The following LMO7 variants were observed in gnomAD, a reference collection of about 807,000 sequenced individuals.
LMO7 encodes LIM domain 7, also known as LIM domain only protein 7.
Under a neutral mutation model 206.5 loss-of-function variants are expected in LMO7, and 120 were observed. The ratio of observed to expected loss-of-function variants is 0.58; its 90% confidence interval spans 0.50 to 0.68. LMO7 has a LOEUF of 0.68. Among genes scored for constraint, LMO7 ranks in the 30% least tolerant of loss-of-function variants. The probability of loss-of-function intolerance (pLI) is 0.00; values close to 1 mark genes in which losing one functional copy is unlikely to be tolerated. For synonymous variants in LMO7, 706 were observed against 681.5 expected, an observed-to-expected ratio of 1.04 and a Z score of -0.56; for missense variants, 1,959 against 1,957.9, an observed-to-expected ratio of 1.00 and a Z score of -0.01.
intron 1 of LMO7, among the ~76,000 whole-genome samples, chr13:75,638,624 A>G (rs1175390082): frequency 6.6e-6 from 1 of 152,170 alleles, no homozygotes; most frequent in East Asian, 1.9e-4. Context: ...CATTGTGTAT[A>G]TATGAGTAAT....
At chr13:75,770,875 G>A (rs2049553039) in intron 4 of LMO7, among the ~76,000 whole-genome samples, 2 of 152,088 alleles carry the variant, frequency 1.3e-5, no homozygotes, top group Admixed American at 1.3e-4. Context: ...TGCTTAGTTA[G>A]ATGACCTTGG....
intron 6 of LMO7, among the ~76,000 whole-genome samples, chr13:75,799,058 A>G (rs961814789): frequency 1.4e-4 from 21 of 152,318 alleles, no homozygotes; most frequent in African/African-American, 4.8e-4. Context: ...TGGAAGTAGC[A>G]GGATGTAAGG....
At chr13:75,699,413 T>TG (rs1246337047) in intron 1 of LMO7, among the ~76,000 whole-genome samples, 9 of 149,752 alleles carry the variant, frequency 6.0e-5, no homozygotes, top group African/African-American at 7.6e-5. Flanking sequence ...GATTTTTTTT[T>TG]TTTTTTTTTA....
intron 28 of LMO7, chr13:75,855,052 A>G: frequency 6.1e-6 from 3 of 491,576 alleles, no homozygotes; most frequent in Non-Finnish European, 1.1e-5. Context: ...ATAGGTGTCA[A>G]GGGTCTCAGA....
chr13:75,680,490 T>C (rs2040386185), intron 1 of LMO7, among the ~76,000 whole-genome samples: 1 of 152,250 alleles, frequency 6.6e-6, no homozygotes, highest in African/African-American at 2.4e-5. Flanking sequence ...TCCACAGTGG[T>C]TGAACTAATT....
chr13:75,660,599 AC>A (rs1258957649), intron 1 of LMO7, among the ~76,000 whole-genome samples: 1 of 152,124 alleles, frequency 6.6e-6, no homozygotes, highest in African/African-American at 2.4e-5. Flanking sequence ...AGGAGAGCTC[AC>A]TGCATCTTGC....
At chr13:75,779,493 G>A (rs1224279683) in intron 4 of LMO7, among the ~76,000 whole-genome samples, 1 of 152,162 alleles carries the variant, frequency 6.6e-6, no homozygotes, top group Non-Finnish European at 1.5e-5. Context: ...TTAACTGAAT[G>A]TCAGGATTAT....
chr13:75,688,775 C>T (rs918634827), intron 1 of LMO7: 8 of 152,146 alleles, frequency 5.3e-5, no homozygotes, highest in African/African-American at 1.9e-4. Flanking sequence ...GTGCTTTTCT[C>T]TCAAAGGCCT....
intron 19 of LMO7, 85 bp from the exon 20 acceptor site, chr13:75,838,055 T>C (rs2059269901): frequency 5.3e-6 from 4 of 752,370 alleles, no homozygotes; most frequent in South Asian, 1.6e-5. Context: ...TGCTACAGAT[T>C]GGAAAGGTAT....
At chr13:75,659,675 G>A (rs1445576344) in intron 1 of LMO7, among the ~76,000 whole-genome samples, 1 of 152,086 alleles carries the variant, frequency 6.6e-6, no homozygotes, top group Non-Finnish European at 1.5e-5. Flanking sequence ...GGGAATTCTG[G>A]GAGATAACAA....
At chr13:75,642,949 C>T (rs17064819) in intron 1 of LMO7, among the ~76,000 whole-genome samples, 5,912 of 152,274 alleles carry the variant, frequency 0.039, 386 homozygotes, top group African/African-American at 0.13. Flanking sequence ...TCTATTTCCT[C>T]TTAAGCCACA....
At chr13:75,704,295 G>A (rs563301590) in intron 1 of LMO7, among the ~76,000 whole-genome samples, 1 of 152,192 alleles carries the variant, frequency 6.6e-6, no homozygotes, top group Non-Finnish European at 1.5e-5. Flanking sequence ...TGGTTCGTCT[G>A]TACCACAGTG....
chr13:75,849,025 C>G, intron 26 of LMO7, 54 bp from the exon 27 acceptor site: 2 of 1,039,854 alleles, frequency 1.9e-6, no homozygotes, highest in Non-Finnish European at 2.9e-6. Flanking sequence ...TCAATCATCA[C>G]TGTCACTTTT....
intron 1 of LMO7, among the ~76,000 whole-genome samples, chr13:75,655,399 A>G (rs553457522): frequency 2.0e-5 from 3 of 152,148 alleles, no homozygotes; most frequent in Admixed American, 2.0e-4. Flanking sequence ...TTTTTCTTCA[A>G]CACAAAATGT....
At chr13:75,734,859 G>C (rs2045639810) in intron 3 of LMO7, among the ~76,000 whole-genome samples, 1 of 152,106 alleles carries the variant, frequency 6.6e-6, no homozygotes, top group African/African-American at 2.4e-5. Flanking sequence ...CAGCACTTTG[G>C]GAGGCCAAGG....
At chr13:75,720,049 G>C (rs923631055) in intron 2 of LMO7, among the ~76,000 whole-genome samples, 6 of 152,202 alleles carry the variant, frequency 3.9e-5, no homozygotes, top group African/African-American at 1.4e-4. Flanking sequence ...AATGTGTAGT[G>C]GTATCTCATT....
intron 15 of LMO7, among the ~76,000 whole-genome samples, chr13:75,825,677 T>C (rs2058053588): frequency 1.3e-5 from 2 of 152,200 alleles, no homozygotes; most frequent in South Asian, 4.1e-4. Context: ...GGTGTGTCCT[T>C]TTCTGTGCCA....
rs1200456378 is a variant in LMO7, at chr13:75,821,375, G to T, written c.2406G>T (p.Glu802Asp). 1.9e-6 allele frequency: 3 copies of T among 1,614,036 alleles called. No homozygotes were observed. Among genetic ancestry groups the T allele is most frequent in the Admixed American group, 1.7e-5 (1 of 60,012 alleles). ...ATTCTACCACTTTTGCAAAAAGAGA[G>T]GACCGTGTAACAACTGAAATTCAGC... ...KEDSTTFAKR[E>D]DRVTTEIQLP... Residue 802 changes from glutamate to aspartate, a missense_variant, in exon 14 of 31, where the codon GAG (glutamate) becomes GAT (aspartate). Transcript: ENST00000377534.
rs2048149670 is a variant in LMO7 at position 75,760,948 on chromosome 13, T to C, written c.227T>C (p.Phe76Ser). The change falls in exon 4 of 31, where the codon TTC (phenylalanine) becomes TCC (serine). Residue 76 changes from phenylalanine (F) to serine (S), a missense_variant. By Grantham distance (155) the Phe-to-Ser change is radical. Coordinates refer to ENST00000377534, the MANE Select transcript of LMO7 (RefSeq NM_001306080.2). ...PIAGLDNINV[F>S]LKACEQIGLK... ...TTTTCACAGGATAATATAAACGTTTTCTTGAAAGCTTGTGAACAGATTGGA... is the reference window on the plus strand; with the variant it reads ...TTTTCACAGGATAATATAAACGTTTCCTTGAAAGCTTGTGAACAGATTGGA... The C allele has an allele frequency of 6.2e-7, 1 of 1,613,562 alleles. No homozygotes were observed.
Sources: allele counts gnomAD v4.1 joint callset (sites outside exome capture counted in the v4.1 genomes callset), GRCh38; gene constraint gnomAD v4.1.1; transcripts MANE v1.5; gene names NCBI Gene and HGNC (gene_info 2026-07-23, HGNC 2026-07-21).